Variants in SHROOM4 observed in about 807,000 individuals in gnomAD.
SHROOM4 encodes protein Shroom4.
A neutral mutation model predicts 80.3 loss-of-function variants in SHROOM4; 17 were observed. The observed-to-expected ratio is 0.21, with a 90% CI of 0.14 to 0.32. The LOEUF is 0.32. SHROOM4 is among the 10% of genes least tolerant of loss of function. The probability of loss-of-function intolerance (pLI) is 1.00; values close to 1 mark genes in which losing one functional copy is unlikely to be tolerated. For missense variants in SHROOM4, 993 were observed against 1,140.3 expected (o/e 0.87, Z 1.86); for synonymous variants, 400 against 437.5 (o/e 0.91, Z 1.07).
intron 5 of SHROOM4, among the ~76,000 whole-genome samples, chrX:50,625,449 T>C (rs1054966509): frequency 8.9e-6 from 1 of 112,096 alleles, no homozygotes; most frequent in Non-Finnish European, 1.9e-5. Context: ...ACATGGTTAT[T>C]ATAATCATGC....
At chrX:50,679,589 T>C (rs1370528190) in intron 2 of SHROOM4, among the ~76,000 whole-genome samples, 3 of 111,736 alleles carry the variant, frequency 2.7e-5, no homozygotes, top group African/African-American at 9.7e-5. Context: ...TAATTGTACA[T>C]ACTTTGGGGG....
intron 6 of SHROOM4, among the ~76,000 whole-genome samples, chrX:50,603,587 T>C (rs1339237584): frequency 2.7e-5 from 3 of 111,245 alleles, no homozygotes; most frequent in African/African-American, 9.8e-5. Flanking sequence ...TCCTCCATGG[T>C]TGTAGAATGA....
chrX:50,576,530 G>A, the SHROOM4 span, among the ~76,000 whole-genome samples: 1 of 111,599 alleles, frequency 9.0e-6, no homozygotes, highest in Non-Finnish European at 1.9e-5. Context: ...ATGTCCTCTT[G>A]TCTGGATCAA....
At position 50,608,071 on chromosome X, in the gene SHROOM4, A is replaced by G. The variant is rs1557249087; in HGVS notation, c.3071T>C (p.Leu1024Pro). ...SYRAISSLDL[L>P]GDFKHALKKS... ...TTTCAAAGCATGTTTGAAGTCTCCAAGGAGGTCAAGAGAAGAAATTGCTCG... is the reference window on the plus strand; with the variant it reads ...TTTCAAAGCATGTTTGAAGTCTCCAGGGAGGTCAAGAGAAGAAATTGCTCG... Residue 1024 changes from leucine to proline, a missense_variant, in exon 6 of 9, where the codon CTT becomes CCT. Transcript: ENST00000376020. 3.3e-6 allele frequency: 4 copies of G among 1,209,665 alleles called. No homozygotes were observed. The highest frequency in any genetic ancestry group is 4.5e-6 in the Non-Finnish European group (4 of 895,165).
At chrX:50,731,280 C>A (rs1934365516) in intron 1 of SHROOM4, among the ~76,000 whole-genome samples, 1 of 110,468 alleles carries the variant, frequency 9.1e-6, no homozygotes, top group Non-Finnish European at 1.9e-5. Flanking sequence ...CCCCCTCTAT[C>A]CCCTCTTTCC....
intron 1 of SHROOM4, among the ~76,000 whole-genome samples, chrX:50,768,706 A>G (rs1159712514): frequency 8.9e-6 from 1 of 112,370 alleles, no homozygotes; most frequent in Non-Finnish European, 1.9e-5. Context: ...TGTATACATT[A>G]TTAATTCAAC....
intron 1 of SHROOM4, among the ~76,000 whole-genome samples, chrX:50,791,758 A>C (rs1364753055): frequency 9.2e-6 from 1 of 109,015 alleles, no homozygotes; most frequent in East Asian, 2.9e-4. Context: ...GGGAATTGCA[A>C]AGAACTTCAA....
At chrX:50,651,103 C>A (rs1932036718) in intron 2 of SHROOM4, among the ~76,000 whole-genome samples, 1 of 110,864 alleles carries the variant, frequency 9.0e-6, no homozygotes, top group African/African-American at 3.3e-5. Context: ...AACAAACCAA[C>A]AAAAAAACAC....
chrX:50,687,871 G>A (rs997212534), intron 2 of SHROOM4, among the ~76,000 whole-genome samples: 41 of 109,278 alleles, frequency 3.8e-4, no homozygotes, highest in African/African-American at 1.3e-3. Flanking sequence ...AAGAAAACCA[G>A]TTACTCATAG....
chrX:50,810,007 A>T (rs1557273297), intron 1 of SHROOM4, among the ~76,000 whole-genome samples: 1 of 110,971 alleles, frequency 9.0e-6, no homozygotes, highest in Non-Finnish European at 1.9e-5. Flanking sequence ...ATCGTATTTT[A>T]TTTTTTGGAG....
rs782333470 is a variant in SHROOM4 at position 50,596,764 on chromosome X, C to T, written c.4413G>A (p.Lys1471=). 1.7e-6 allele frequency: 2 copies of T among 1,212,095 alleles called. No homozygotes were observed. Among genetic ancestry groups the T allele is most frequent in the Non-Finnish European group, 1.1e-6 (1 of 895,579 alleles). ...TGAGTTGCTCTTCCCCGAGCTTGAT[C>T]TTCTCCTCCAGCTCTCGCTGTTCAA... ...LIIEQRELEE[K]IKLGEEQLKC... The change falls in exon 9 of 9, where the codon AAG becomes AAA. Residue 1471 remains lysine, a synonymous_variant. Transcript: ENST00000376020.
At chrX:50,676,745 C>A (rs782622824) in intron 2 of SHROOM4, among the ~76,000 whole-genome samples, 1 of 109,839 alleles carries the variant, frequency 9.1e-6, no homozygotes, top group East Asian at 2.9e-4. Context: ...GGATATAAGC[C>A]CTTGAAAAAA....
rs1557245174 is a variant in SHROOM4 at position 50,589,613 on chromosome X, C to T, written c.*7082G>A. On this transcript the variant is annotated 3_prime_UTR_variant, in exon 9 of 9. Transcript: ENST00000376020. The stretch of plus-strand genomic sequence containing the variant: ...ATGTTACATGTATCAGTATTTTATC[C>T]ATTTTTATGGCTAAATAATACCCTA... Among the ~76,000 whole-genome samples, 1 of 111,853 alleles carries T rather than the reference C, an allele frequency of 8.9e-6. No individual in the cohort carries two copies.
At chrX:50,750,861 C>G (rs964294472) in intron 1 of SHROOM4, among the ~76,000 whole-genome samples, 1 of 111,778 alleles carries the variant, frequency 8.9e-6, no homozygotes, top group Non-Finnish European at 1.9e-5. Context: ...GTTCTCTAAC[C>G]ATAGCTTGAT....
chrX:50,663,435 C>A (rs373299232), intron 2 of SHROOM4, among the ~76,000 whole-genome samples: 1 of 110,847 alleles, frequency 9.0e-6, no homozygotes, highest in East Asian at 2.9e-4. Flanking sequence ...CCCTGTACTA[C>A]ATAAGCAATT....
chrX:50,714,066 A>G (rs1420303926), intron 1 of SHROOM4, among the ~76,000 whole-genome samples: 2 of 111,788 alleles, frequency 1.8e-5, no homozygotes, highest in Non-Finnish European at 3.8e-5. Context: ...CATTTATTGA[A>G]AAGGGTGTCC....
At position 50,638,284 on chromosome X, in the gene SHROOM4, C is replaced by T. The variant is rs903767359; in HGVS notation, c.294G>A (p.Pro98=). The part of the protein sequence containing the change: ...VRRRNAPVSR[P]HSWHVAKLLE... ...GCAGCTTGGCCACATGCCATGAGTG[C>T]GGCCTACTGACAGGGGCGTTCCTCC... The change falls in exon 3 of 9, where the codon CCG becomes CCA. Residue 98 remains proline (P), a synonymous_variant. Coordinates refer to ENST00000376020, the MANE Select transcript of SHROOM4 (RefSeq NM_020717.5). 2.5e-5 allele frequency: 30 copies of T among 1,210,176 alleles called. No homozygotes were observed. The highest frequency in any genetic ancestry group is 3.5e-5 in the African/African-American group (2 of 57,371).
chrX:50,626,668 T>G (rs782203138), intron 5 of SHROOM4, among the ~76,000 whole-genome samples: 1 of 111,997 alleles, frequency 8.9e-6, no homozygotes, highest in East Asian at 2.8e-4. Flanking sequence ...AATCAAGTTT[T>G]GAGACCCACC....
chrX:50,607,798 A>T lies in SHROOM4; in HGVS notation c.3344T>A (p.Phe1115Tyr). The change falls in exon 6 of 9, where the codon TTT becomes TAT. Residue 1115 changes from phenylalanine (F) to tyrosine (Y), a missense_variant. Phe to Tyr is a conservative substitution (Grantham distance 22, BLOSUM62 3). Coordinates refer to ENST00000376020, the MANE Select transcript of SHROOM4 (RefSeq NM_020717.5). ...PPPNWEKYRL[F>Y]RAAQQQKQQQ... ...CTGCTTCTGCTGCTGGGCTGCACGA[A>T]AGAGCCTGTACTTCTCCCAGTTGGG... The T allele has an allele frequency of 8.6e-7, 1 of 1,165,180 alleles. No homozygotes were observed. The highest frequency in any genetic ancestry group is 1.9e-5 in the African/African-American group (1 of 52,819).
Sources: allele counts gnomAD v4.1 joint callset (sites outside exome capture counted in the v4.1 genomes callset), GRCh38; gene constraint gnomAD v4.1.1; transcripts MANE v1.5; gene names NCBI Gene and HGNC (gene_info 2026-07-23, HGNC 2026-07-21).